The following ATRNL1 variants were observed in gnomAD, a reference collection of about 807,000 sequenced individuals.
The protein encoded by ATRNL1 is attractin like 1.
ATRNL1 carries 95 observed loss-of-function variants against 182.7 expected under a neutral mutation model. The observed-to-expected ratio is 0.52, with a 90% CI of 0.44 to 0.62. The LOEUF is 0.62. Ranked by LOEUF, ATRNL1 falls within the 20% of genes least tolerant of loss-of-function variation. The probability of loss-of-function intolerance (pLI) is 0.00; values close to 1 mark genes in which losing one functional copy is unlikely to be tolerated. For missense variants in ATRNL1, 1,471 were observed against 1,679.5 expected (o/e 0.88, Z 2.17); for synonymous variants, 576 against 568.3 (o/e 1.01, Z -0.19).
At chr10:115,854,968 G>T (rs1555101496) in intron 28 of ATRNL1, among the ~76,000 whole-genome samples, 1 of 152,074 alleles carries the variant, frequency 6.6e-6, no homozygotes, top group Non-Finnish European at 1.5e-5. Flanking sequence ...TTCATTGCCT[G>T]TTGAAATAGG....
chr10:115,795,174 G>A (rs1052418071), intron 27 of ATRNL1, among the ~76,000 whole-genome samples: 2 of 152,090 alleles, frequency 1.3e-5, no homozygotes, highest in Admixed American at 1.3e-4. Flanking sequence ...TTGCTATTGA[G>A]GTATTGCTGC....
intron 28 of ATRNL1, among the ~76,000 whole-genome samples, chr10:115,883,191 CTT>C (rs1555109026): frequency 6.6e-6 from 1 of 152,218 alleles, no homozygotes; most frequent in Admixed American, 6.5e-5. Flanking sequence ...GCAAGAAACT[CTT>C]TACCCCTCCT....
rs1290424716 is a variant in ATRNL1 at position 115,224,235 on chromosome 10, A to G, written c.1532+8355A>G. 3.9e-5 allele frequency among the ~76,000 whole-genome samples: 6 copies of G among 151,960 alleles called. No homozygotes were observed. The East Asian group carries it at 1.2e-3, about 29-fold the overall frequency. On this transcript the variant is annotated intron_variant, in intron 9 of 28. Transcript: ENST00000355044. ...CAGGTGTGAGCCACCGCGCCTGGCC[A>G]AAAAACCCTAGTATAATTTTCATAC... is the stretch of plus-strand genomic sequence containing the variant.
intron 26 of ATRNL1, among the ~76,000 whole-genome samples, chr10:115,681,060 T>G (rs550411250): frequency 6.6e-6 from 1 of 152,246 alleles, no homozygotes; most frequent in African/African-American, 2.4e-5. Flanking sequence ...TTTTTTAAAC[T>G]ATCAAAATTT....
chr10:115,712,253 C>G (rs1947084079), intron 26 of ATRNL1, among the ~76,000 whole-genome samples: 1 of 152,136 alleles, frequency 6.6e-6, no homozygotes, highest in Non-Finnish European at 1.5e-5. Flanking sequence ...TTTCAGAGCA[C>G]TGGCCACACA....
chr10:115,251,777 A>G (rs1850888670), intron 10 of ATRNL1, among the ~76,000 whole-genome samples: 1 of 152,146 alleles, frequency 6.6e-6, no homozygotes, highest in African/African-American at 2.4e-5. Flanking sequence ...CTTACTTAGC[A>G]TGGGTATACT....
At chr10:115,865,399 C>T (rs1951417239) in intron 28 of ATRNL1, among the ~76,000 whole-genome samples, 1 of 152,074 alleles carries the variant, frequency 6.6e-6, no homozygotes, top group Non-Finnish European at 1.5e-5. Context: ...TGTCAGGACT[C>T]TTTTATAAGT....
At chr10:115,095,315 G>A (rs1239976129) in intron 1 of ATRNL1, among the ~76,000 whole-genome samples, 1 of 149,958 alleles carries the variant, frequency 6.7e-6, no homozygotes, top group Non-Finnish European at 1.5e-5. Context: ...CCTTATTAAT[G>A]TATTCTAGGA....
intron 20 of ATRNL1, among the ~76,000 whole-genome samples, chr10:115,403,324 C>G (rs1456485546): frequency 1.5e-5 from 2 of 130,316 alleles, no homozygotes; most frequent in Non-Finnish European, 3.1e-5. Context: ...GTGACTTAAT[C>G]TACATTGTTA....
At chr10:115,448,254 T>C (rs10885714) in intron 21 of ATRNL1, among the ~76,000 whole-genome samples, 33,776 of 152,094 alleles carry the variant, frequency 0.22, 4,716 homozygotes, top group Non-Finnish European at 0.32. Context: ...CTTTGCTACA[T>C]GGCACCTACC....
intron 26 of ATRNL1, among the ~76,000 whole-genome samples, chr10:115,704,259 G>A (rs1555052468): frequency 6.6e-6 from 1 of 151,840 alleles, no homozygotes; most frequent in African/African-American, 2.4e-5. Flanking sequence ...TGACTTGTAA[G>A]TGCATCCCTT....
At chr10:115,578,683 T>A (rs1296979420) in intron 26 of ATRNL1, among the ~76,000 whole-genome samples, 2 of 151,690 alleles carry the variant, frequency 1.3e-5, no homozygotes, top group Non-Finnish European at 3.0e-5. Context: ...TTCAAAAAAA[T>A]TTTAGTTTTG....
At chr10:115,683,554 T>TTG (rs533062181) in intron 26 of ATRNL1, among the ~76,000 whole-genome samples, 4,252 of 143,976 alleles carry the variant, frequency 0.03, 259 homozygotes, top group African/African-American at 0.11. Flanking sequence ...TAGCGTTTTT[T>TTG]TTTTTTTTTT....
intron 19 of ATRNL1, among the ~76,000 whole-genome samples, chr10:115,336,003 A>C (rs1328273264): frequency 2.0e-5 from 3 of 152,178 alleles, no homozygotes; most frequent in African/African-American, 7.2e-5. Flanking sequence ...ATACAGATGC[A>C]TTGGCCCACA....
At chr10:115,625,857 A>G (rs1378924711) in intron 26 of ATRNL1, among the ~76,000 whole-genome samples, 3 of 152,068 alleles carry the variant, frequency 2.0e-5, no homozygotes, top group Admixed American at 1.3e-4. Flanking sequence ...GACATTTCCA[A>G]TCCTCCAAAT....
At chr10:115,506,394 T>G (rs1850113664) in intron 24 of ATRNL1, among the ~76,000 whole-genome samples, 1 of 152,052 alleles carries the variant, frequency 6.6e-6, no homozygotes, top group Non-Finnish European at 1.5e-5. Flanking sequence ...TACTGAATAT[T>G]GTAATGGTAA....
At chr10:115,474,129 C>A (rs1389537239) in intron 24 of ATRNL1, among the ~76,000 whole-genome samples, 1 of 151,340 alleles carries the variant, frequency 6.6e-6, no homozygotes, top group African/African-American at 2.4e-5. Flanking sequence ...AATTCTATTG[C>A]CATTTATTGT....
chr10:115,861,669 G>A (rs547458058), intron 28 of ATRNL1, among the ~76,000 whole-genome samples: 13 of 152,102 alleles, frequency 8.5e-5, no homozygotes, highest in South Asian at 2.1e-4. Context: ...TAGTCATTTC[G>A]CAATACATGA....
intron 18 of ATRNL1, among the ~76,000 whole-genome samples, chr10:115,317,795 G>C (rs1267534902): frequency 1.3e-5 from 2 of 152,150 alleles, no homozygotes; most frequent in Middle Eastern, 3.2e-3. Context: ...TAGTTTTTGG[G>C]CTGAAATGAT....
Sources: allele counts gnomAD v4.1 joint callset (sites outside exome capture counted in the v4.1 genomes callset), GRCh38; gene constraint gnomAD v4.1.1; transcripts MANE v1.5; gene names NCBI Gene and HGNC (gene_info 2026-07-23, HGNC 2026-07-21).